Variants in EMC8 observed in about 807,000 individuals in gnomAD.
The protein encoded by EMC8 is ER membrane protein complex subunit 8.
A neutral mutation model predicts 24.3 loss-of-function variants in EMC8; 11 were observed. The ratio of observed to expected loss-of-function variants is 0.45; its 90% CI spans 0.28 to 0.75. The LOEUF is 0.75. Ranked by LOEUF, EMC8 falls within the 30% of genes least tolerant of loss-of-function variation. The pLI, the probability that EMC8 is intolerant of heterozygous loss-of-function variation, is 0.12. For synonymous variants in EMC8, 145 were observed against 117.7 expected, an observed-to-expected ratio of 1.23 and a Z score of -1.50; for missense variants, 277 against 282.7, an observed-to-expected ratio of 0.98 and a Z score of 0.14.
chr16:85,781,359 G>T, intron 2 of EMC8, 79 bp from the exon 3 acceptor site: 1 of 905,504 alleles, frequency 1.1e-6, no homozygotes, highest in South Asian at 1.3e-5. Context: ...ACACCACTGA[G>T]ACTTAACAAG....
chr16:85,779,840 T>A lies in EMC8; in HGVS notation c.501A>T (p.Ala167=), dbSNP rs151084871. The part of the protein sequence containing the change: ...HHDYCEDWPE[A]QRISASLLDS... ...CCAGGAGCGAGGCTGAGATCCTCTG[T>A]GCCTCTGGCCAGTCTTCACAGTAGT... Residue 167 remains alanine, a synonymous_variant, in exon 5 of 5, where the codon GCA becomes GCT. Coordinates refer to ENST00000253457, the MANE Select transcript of EMC8 (RefSeq NM_006067.5). 2.1e-4 allele frequency: 336 copies of A among 1,614,140 alleles called. 1 individual carries two copies. The African/African-American group carries it at 4.1e-3, about 20-fold the overall frequency.
intron 1 of EMC8, among the ~76,000 whole-genome samples, chr16:85,789,878 T>C: frequency 6.6e-6 from 1 of 151,862 alleles, no homozygotes; most frequent in Non-Finnish European, 1.5e-5. Flanking sequence ...AGTTGGGGTG[T>C]AGGGTAAAGA....
intron 1 of EMC8, among the ~76,000 whole-genome samples, chr16:85,797,302 G>A (rs1480011313): frequency 6.6e-6 from 1 of 152,200 alleles, no homozygotes; most frequent in Non-Finnish European, 1.5e-5. Context: ...CAGCTACCTG[G>A]GAGGCTGAAG....
chr16:85,798,977 G>A, intron 1 of EMC8, 88 bp downstream of exon 1: 2 of 967,494 alleles, frequency 2.1e-6, no homozygotes, highest in Admixed American at 2.4e-5. Context: ...GGAGCCTGCT[G>A]GAGGGCGACC....
intron 2 of EMC8, among the ~76,000 whole-genome samples, chr16:85,788,378 C>T (rs1904851933): frequency 6.6e-6 from 1 of 152,264 alleles, no homozygotes; most frequent in African/African-American, 2.4e-5. Context: ...CAACAGCCTG[C>T]TTATTAAGCC....
intron 1 of EMC8, among the ~76,000 whole-genome samples, chr16:85,796,399 G>C (rs1231414564): frequency 6.6e-6 from 1 of 152,084 alleles, no homozygotes; most frequent in African/African-American, 2.4e-5. Context: ...CCGTACCCAT[G>C]CTGCACTCAG....
intron 1 of EMC8, among the ~76,000 whole-genome samples, chr16:85,795,661 C>T (rs1905218725): frequency 6.6e-6 from 1 of 152,212 alleles, no homozygotes; most frequent in Admixed American, 6.5e-5. Flanking sequence ...CCATACCTCG[C>T]CCTATGTGTC....
Position 85,779,654 on chromosome 16 carries a change from T to C in EMC8, c.*54A>G. The C allele has an allele frequency of 1.3e-6, 2 of 1,559,430 alleles. No homozygotes were observed. The highest frequency in any genetic ancestry group is 1.7e-5 in the Admixed American group (1 of 58,928). ...TATTTTATTTACATTTAAAAATAGGTTTTCTTCTTCAACGTAGTGGAAAGG... is the reference window on the plus strand; with the variant it reads ...TATTTTATTTACATTTAAAAATAGGCTTTCTTCTTCAACGTAGTGGAAAGG... On this transcript the variant is annotated 3_prime_UTR_variant, in exon 5 of 5. Coordinates refer to ENST00000253457, the MANE Select transcript of EMC8 (RefSeq NM_006067.5).
chr16:85,791,870 C>T (rs1204310122), intron 1 of EMC8, among the ~76,000 whole-genome samples: 1 of 152,194 alleles, frequency 6.6e-6, no homozygotes, highest in African/African-American at 2.4e-5. Flanking sequence ...ATATTCTCTC[C>T]ACCCTCAAGC....
At chr16:85,782,111 GA>G (rs994194473) in intron 2 of EMC8, among the ~76,000 whole-genome samples, 1 of 152,230 alleles carries the variant, frequency 6.6e-6, no homozygotes, top group African/African-American at 2.4e-5. Flanking sequence ...AGCGGGCAGT[GA>G]AACTGCTGCT....
chr16:85,795,857 G>C (rs1905225307), intron 1 of EMC8, among the ~76,000 whole-genome samples: 3 of 152,158 alleles, frequency 2.0e-5, no homozygotes, highest in Admixed American at 2.0e-4. Context: ...CAACCCGTGG[G>C]CTCTGACACT....
At chr16:85,789,754 TGCACTCCA>T (rs1392921118) in intron 1 of EMC8, among the ~76,000 whole-genome samples, 2 of 150,716 alleles carry the variant, frequency 1.3e-5, no homozygotes, top group Non-Finnish European at 2.9e-5. Flanking sequence ...ATCATGCCAC[TGCACTCCA>T]GCCTGGGTGA....
chr16:85,789,150 T>A, intron 1 of EMC8, 100 bp from the exon 2 acceptor site: 1 of 817,814 alleles, frequency 1.2e-6, no homozygotes, highest in Non-Finnish European at 2.1e-6. Flanking sequence ...GGACAAGACA[T>A]GACAGAATCT....
chr16:85,795,907 C>T (rs1054892158), intron 1 of EMC8, among the ~76,000 whole-genome samples: 2 of 152,140 alleles, frequency 1.3e-5, no homozygotes, highest in African/African-American at 4.8e-5. Context: ...TGCGGAGACA[C>T]CTAGCTGGTG....
At chr16:85,780,612 G>A (rs1904445829) in intron 3 of EMC8, 139 bp from the exon 4 acceptor site, 2 of 642,460 alleles carry the variant, frequency 3.1e-6, no homozygotes, top group Non-Finnish European at 5.7e-6. Context: ...TGTATGCAGA[G>A]TGGCGCGAGT....
chr16:85,789,690 G>T (rs1904915434), intron 1 of EMC8, among the ~76,000 whole-genome samples: 1 of 152,016 alleles, frequency 6.6e-6, no homozygotes, highest in South Asian at 2.1e-4. Context: ...TACTCGGGAG[G>T]CTGAGGCAGG....
chr16:85,780,077 T>C, intron 4 of EMC8: 1 of 596,926 alleles, frequency 1.7e-6, no homozygotes, highest in South Asian at 2.0e-5. Context: ...CACGTGGAAT[T>C]CTGAGAAAGT....
intron 2 of EMC8, 76 bp downstream of exon 2, chr16:85,788,898 G>A (rs770626707): frequency 9.4e-5 from 99 of 1,053,480 alleles, no homozygotes; most frequent in Non-Finnish European, 1.3e-4. Flanking sequence ...GTATCTGGCC[G>A]AAAAGCACAC....
At chr16:85,798,218 T>C (rs1325963293) in intron 1 of EMC8, among the ~76,000 whole-genome samples, 1 of 145,362 alleles carries the variant, frequency 6.9e-6, no homozygotes, top group East Asian at 2.1e-4. Flanking sequence ...GCCTCCTGGG[T>C]TCAAGCGATT....
Sources: allele counts gnomAD v4.1 joint callset (sites outside exome capture counted in the v4.1 genomes callset), GRCh38; gene constraint gnomAD v4.1.1; transcripts MANE v1.5; gene names NCBI Gene and HGNC (gene_info 2026-07-23, HGNC 2026-07-21).